The following SEMA4D variants were observed in gnomAD, a reference collection of about 807,000 sequenced individuals.
SEMA4D encodes semaphorin-4D.
SEMA4D carries 22 observed loss-of-function variants against 74.8 expected under a neutral mutation model. That is an observed-to-expected ratio of 0.29 (90% CI 0.21 to 0.42). The LOEUF (loss-of-function observed/expected upper bound fraction) is 0.42. SEMA4D is among the 10% of genes least tolerant of loss of function. The probability of loss-of-function intolerance (pLI) is 1.00; values close to 1 mark genes in which losing one functional copy is unlikely to be tolerated. For synonymous variants in SEMA4D, 445 were observed against 463.7 expected (o/e 0.96, Z 0.52); for missense variants, 937 against 1,118.4 (o/e 0.84, Z 2.31).
At chr9:89,371,326 GGT>G (rs575569941) in intron 16 of SEMA4D, among the ~76,000 whole-genome samples, 1 of 132,312 alleles carries the variant, frequency 7.6e-6, no homozygotes, top group Admixed American at 7.4e-5. Flanking sequence ...GTGTGGGGTT[GGT>G]GTGTGTCTGG....
intron 2 of SEMA4D, among the ~76,000 whole-genome samples, chr9:89,414,926 T>G (rs1412416823): frequency 2.0e-5 from 3 of 152,086 alleles, no homozygotes; most frequent in African/African-American, 4.8e-5. Flanking sequence ...GGGTGCAGCA[T>G]GTACAGAATG....
intron 2 of SEMA4D, among the ~76,000 whole-genome samples, chr9:89,414,045 C>A (rs1207385225): frequency 2.0e-5 from 3 of 152,192 alleles, no homozygotes; most frequent in Non-Finnish European, 1.5e-5. Flanking sequence ...CATCTGGGGA[C>A]TGTCCAGTCA....
At chr9:89,427,668 G>A (rs1848389297) in intron 2 of SEMA4D, among the ~76,000 whole-genome samples, 1 of 152,210 alleles carries the variant, frequency 6.6e-6, no homozygotes, top group Non-Finnish European at 1.5e-5. Context: ...TAGTGGGGCT[G>A]ACTTCAAAGT....
chr9:89,409,748 T>C (rs1844112194), intron 2 of SEMA4D, among the ~76,000 whole-genome samples: 2 of 152,026 alleles, frequency 1.3e-5, no homozygotes, highest in South Asian at 2.1e-4. Context: ...TCGGGTCAAA[T>C]ACCAAAGATG....
At chr9:89,388,502 C>G (rs925697923) in intron 11 of SEMA4D, 134 bp downstream of exon 11, 2 of 1,044,144 alleles carry the variant, frequency 1.9e-6, no homozygotes, top group Admixed American at 3.2e-5. Context: ...GCTCATCGGC[C>G]GTCCCTGTCC....
In SEMA4D at chr9:89,391,274, C is replaced by T. The variant is rs371098071; in HGVS notation, c.764G>A (p.Arg255Lys). ...VFRVLIPRIA[R>K]VCKGDQGGLR... is the part of the protein sequence containing the mutation. ...GTGCCTGGCACTCACCTTGCACACT[C>T]TTGCTATCCGTGGGATCAGCACCCT... The change falls in exon 9 of 16, where the codon AGA (arginine) becomes AAA (lysine). Residue 255 changes from arginine (R) to lysine (K), a missense_variant. Transcript: ENST00000422704. The T allele has an allele frequency of 1.3e-5, 21 of 1,614,078 alleles. No individual in the cohort carries two copies. Among genetic ancestry groups the T allele is most frequent in the African/African-American group, 2.7e-5 (2 of 74,950 alleles).
chr9:89,409,244 A>T, intron 2 of SEMA4D, among the ~76,000 whole-genome samples: 1 of 152,240 alleles, frequency 6.6e-6, no homozygotes, highest in East Asian at 1.9e-4. Flanking sequence ...TGAAGACAGT[A>T]AAAAGATCAG....
chr9:89,447,753 C>T (rs1333601763), intron 2 of SEMA4D, among the ~76,000 whole-genome samples: 2 of 149,210 alleles, frequency 1.3e-5, no homozygotes, highest in Non-Finnish European at 1.5e-5. Context: ...CCTACCCCTA[C>T]CCTTCCTGAC....
At chr9:89,479,310 G>A (rs1458579897) in intron 1 of SEMA4D, among the ~76,000 whole-genome samples, 2 of 152,208 alleles carry the variant, frequency 1.3e-5, no homozygotes, top group African/African-American at 2.4e-5. Flanking sequence ...CTCAGTGGCA[G>A]CAATGGCGAG....
At chr9:89,418,152 C>A (rs1440184274) in intron 2 of SEMA4D, 1 of 954,128 alleles carries the variant, frequency 1.0e-6, no homozygotes. Context: ...GCTATTTAAG[C>A]CCTTAAACTG....
At chr9:89,386,518 C>CTG in intron 12 of SEMA4D, 36 bp from the exon 13 acceptor site, 2 of 1,462,938 alleles carry the variant, frequency 1.4e-6, no homozygotes, top group Non-Finnish European at 1.9e-6. Context: ...TGACACTAAC[C>CTG]CAGACACAGA....
In SEMA4D at chr9:89,388,927, G is replaced by A. The variant is rs1839185609; in HGVS notation, c.895C>T (p.Leu299Phe). Residue 299 changes from leucine to phenylalanine, a missense_variant, in exon 10 of 16, where the codon CTC (leucine) becomes TTC (phenylalanine). Coordinates refer to ENST00000422704, the MANE Select transcript of SEMA4D (RefSeq NM_001371194.2). The stretch of plus-strand genomic sequence containing the variant: ...GGCACCTTCAGGCCCGGGGACCTGA[G>A]CACGAAGACATCCCGCAGCACATTG... ...VFNVLRDVFV[L>F]RSPGLKVPVF... The A allele has an allele frequency of 6.2e-7, 1 of 1,614,180 alleles. No homozygotes were observed. Among genetic ancestry groups the A allele is most frequent in the Non-Finnish European group, 8.5e-7 (1 of 1,180,032 alleles).
chr9:89,461,698 C>CTTTTTTTTTTTTTTT (rs1564875900), intron 1 of SEMA4D, among the ~76,000 whole-genome samples: 1 of 67,942 alleles, frequency 1.5e-5, no homozygotes, highest in Non-Finnish European at 3.1e-5. Context: ...TTTCTTTTTT[C>CTTTTTTTTTTTTTTT]TCTTTTTTTT....
At chr9:89,383,731 T>C (rs962701716) in intron 13 of SEMA4D, among the ~76,000 whole-genome samples, 1 of 152,106 alleles carries the variant, frequency 6.6e-6, no homozygotes, top group Non-Finnish European at 1.5e-5. Context: ...TGTGCAATCA[T>C]CAAAACTCTT....
At chr9:89,489,454 T>C (rs1319599200) in intron 1 of SEMA4D, among the ~76,000 whole-genome samples, 3 of 152,178 alleles carry the variant, frequency 2.0e-5, no homozygotes, top group Non-Finnish European at 4.4e-5. Context: ...CCTATCTAGT[T>C]CCAGGACCTC....
chr9:89,394,890 G>C (rs1255639251), intron 6 of SEMA4D, among the ~76,000 whole-genome samples: 1 of 152,236 alleles, frequency 6.6e-6, no homozygotes, highest in Non-Finnish European at 1.5e-5. Context: ...TAGATATAAT[G>C]ATAAAACTGA....
intron 4 of SEMA4D, among the ~76,000 whole-genome samples, chr9:89,400,142 GAACT>G (rs1008156324): frequency 6.6e-6 from 1 of 151,340 alleles, no homozygotes; most frequent in African/African-American, 2.4e-5. Flanking sequence ...AGGAAGTGAT[GAACT>G]AACACCACCA....
intron 2 of SEMA4D, among the ~76,000 whole-genome samples, chr9:89,426,470 T>C (rs752579610): frequency 5.3e-5 from 8 of 152,116 alleles, no homozygotes; most frequent in Non-Finnish European, 1.0e-4. Flanking sequence ...GGACATGGCT[T>C]TTGCCAGCCT....
At chr9:89,419,104 C>T (rs147262899) in intron 2 of SEMA4D, among the ~76,000 whole-genome samples, 39 of 152,024 alleles carry the variant, frequency 2.6e-4, no homozygotes, top group Non-Finnish European at 4.9e-4. Flanking sequence ...CCGGTCCCCC[C>T]ACCCCTCGGG....
Sources: allele counts gnomAD v4.1 joint callset (sites outside exome capture counted in the v4.1 genomes callset), GRCh38; gene constraint gnomAD v4.1.1; transcripts MANE v1.5; gene names NCBI Gene and HGNC (gene_info 2026-07-23, HGNC 2026-07-21).